The following TFDP1 variants were observed in gnomAD, a reference collection of about 807,000 sequenced individuals.
TFDP1 encodes the protein DRTF1-polypeptide 1.
Under a neutral mutation model 48.0 loss-of-function variants are expected in TFDP1, and 6 were observed. The ratio of observed to expected loss-of-function variants is 0.13; its 90% CI spans 0.07 to 0.25. The LOEUF (loss-of-function observed/expected upper bound fraction) is 0.25. TFDP1 is among the 10% of genes least tolerant of loss of function. TFDP1 has a pLI of 1.00. For synonymous variants in TFDP1, 201 were observed against 211.6 expected, an observed-to-expected ratio of 0.95 and a Z score of 0.44; for missense variants, 335 against 543.0, an observed-to-expected ratio of 0.62 and a Z score of 3.81.
At chr13:113,608,082 G>T (rs1314483763) in intron 2 of TFDP1, among the ~76,000 whole-genome samples, 1 of 152,154 alleles carries the variant, frequency 6.6e-6, no homozygotes, top group Non-Finnish European at 1.5e-5. Context: ...GGGCTCCTCT[G>T]TTGGGGCCTG....
At chr13:113,634,912 CGT>C (rs143479500) in intron 8 of TFDP1, among the ~76,000 whole-genome samples, 239 of 151,166 alleles carry the variant, frequency 1.6e-3, no homozygotes, top group African/African-American at 5.0e-3. Context: ...TGCCTGTGTG[CGT>C]GTGTGTGTGT....
At chr13:113,637,291 C>T (rs2049516674) in intron 10 of TFDP1, 1 of 270,158 alleles carries the variant, frequency 3.7e-6, no homozygotes. Flanking sequence ...TCTTGTTAGC[C>T]TAAACTTGGG....
At chr13:113,615,785 A>G (rs189842289) in intron 3 of TFDP1, among the ~76,000 whole-genome samples, 366 of 152,246 alleles carry the variant, frequency 2.4e-3, no homozygotes, top group Middle Eastern at 6.8e-3. Context: ...GCGCATGTCT[A>G]TAGATAGTCC....
rs1293086317 is a variant in TFDP1 at position 113,633,303 on chromosome 13, G to A, written c.474+18G>A. Reference sequence around the variant, plus strand: ...ACGAGTCAGTAAGTGTGTGCCGGGGGCCGAGAGGCTGGGGTGGCGGAGCCC... The same window carrying A: ...ACGAGTCAGTAAGTGTGTGCCGGGGACCGAGAGGCTGGGGTGGCGGAGCCC... On this transcript the variant is annotated intron_variant, in intron 6 of 11. Coordinates refer to ENST00000375370, the MANE Select transcript of TFDP1 (RefSeq NM_007111.5). This position sits in a 1 kb window ranked among gnomAD's most constrained non-coding sequence, Gnocchi z 4.5. 1.9e-6 allele frequency: 3 copies of A among 1,607,412 alleles called. No individual in the cohort carries two copies. Among genetic ancestry groups the A allele is most frequent in the South Asian group, 2.2e-5 (2 of 90,806 alleles).
chr13:113,628,543 C>T (rs1295072074), intron 4 of TFDP1, among the ~76,000 whole-genome samples: 1 of 152,232 alleles, frequency 6.6e-6, no homozygotes, highest in East Asian at 1.9e-4. Flanking sequence ...CCCCTGCCTG[C>T]CTCCTGCTCC....
Position 113,600,917 on chromosome 13 carries a change from C to T in TFDP1, c.13-10079C>T, listed in dbSNP as rs1275142011. Among the ~76,000 whole-genome samples the T allele has an allele frequency of 2.6e-5, 4 of 151,420 alleles. No homozygotes were observed. The East Asian group carries it at 5.9e-4, about 22-fold the overall frequency. Reference sequence around the variant, plus strand: ...CCAGAACCGTGAGAGAGAATCCTCGCACGTGGGGCTCCAGGACCATGAGAC... The same window carrying T: ...CCAGAACCGTGAGAGAGAATCCTCGTACGTGGGGCTCCAGGACCATGAGAC... On this transcript the variant is annotated intron_variant, in intron 2 of 11. Coordinates refer to ENST00000375370, the MANE Select transcript of TFDP1 (RefSeq NM_007111.5).
chr13:113,610,110 C>T (rs994321769), intron 2 of TFDP1, among the ~76,000 whole-genome samples: 6 of 152,122 alleles, frequency 3.9e-5, no homozygotes, highest in South Asian at 2.1e-4. Flanking sequence ...TACCATTACG[C>T]GTGTGCTCTT....
intron 2 of TFDP1, among the ~76,000 whole-genome samples, chr13:113,589,928 C>G (rs2048099425): frequency 6.6e-6 from 1 of 152,234 alleles, no homozygotes; most frequent in South Asian, 2.1e-4. Context: ...ATCCTGTCGT[C>G]ACACACGATT....
intron 10 of TFDP1, 44 bp from the exon 11 acceptor site, chr13:113,637,774 G>T: frequency 6.2e-7 from 1 of 1,614,208 alleles, no homozygotes; most frequent in Non-Finnish European, 8.5e-7. Context: ...GTCTTGTGTT[G>T]TTTCTGTTTC....
intron 2 of TFDP1, among the ~76,000 whole-genome samples, chr13:113,588,440 A>G (rs1037119986): frequency 6.6e-6 from 1 of 152,246 alleles, no homozygotes; most frequent in African/African-American, 2.4e-5. Flanking sequence ...TCCAACCTCA[A>G]GTAGGGCACA....
Position 113,614,287 on chromosome 13 carries a change from G to A in TFDP1, c.79+3225G>A, listed in dbSNP as rs535922663. Among the ~76,000 whole-genome samples, 4 of 152,124 alleles carry A rather than the reference G, an allele frequency of 2.6e-5. No homozygotes were observed. In the South Asian group the frequency reaches 6.2e-4, roughly 24 times the overall value. On this transcript the variant is annotated intron_variant, in intron 3 of 11. Coordinates refer to ENST00000375370, the MANE Select transcript of TFDP1 (RefSeq NM_007111.5). ...GTGTGTGAGTTGTGTGTGTGTAAGC[G>A]TGCAGTCCTCGCCTCCCCAACAGAC... is the stretch of plus-strand genomic sequence containing the variant.
In TFDP1 at chr13:113,633,725, G is replaced by A. The variant is rs4150786; in HGVS notation, c.475-165G>A. Among the ~76,000 whole-genome samples the A allele has an allele frequency of 7.6e-4, 116 of 152,110 alleles. 2 individuals are homozygous for A. In the South Asian group the frequency reaches 0.023, roughly 31 times the overall value. On this transcript the variant is annotated intron_variant, in intron 6 of 11. Coordinates refer to ENST00000375370, the MANE Select transcript of TFDP1 (RefSeq NM_007111.5). This position sits in a 1 kb window ranked among gnomAD's most constrained non-coding sequence, Gnocchi z 4.5. ...ACACACTCAGGCTTCGCACAGCCCC[G>A]TCTTGCCCTGCGTCATCTGTGGGGT...
Position 113,636,672 on chromosome 13 carries a change from C to T in TFDP1, c.978C>T (p.Val326=). The T allele has an allele frequency of 1.2e-6, 2 of 1,614,130 alleles. No homozygotes were observed. Among genetic ancestry groups the T allele is most frequent in the Non-Finnish European group, 1.7e-6 (2 of 1,179,980 alleles). The change falls in exon 10 of 12, where the codon GTC becomes GTT. Residue 326 remains valine, a synonymous_variant. Transcript: ENST00000375370. ...AEDLKMARSL[V]PKALEPYVTE... ...ACCTTAAAATGGCCAGAAGTCTGGT[C>T]CCCAAGGCTCTGGAGCCATACGTGA... is the stretch of plus-strand genomic sequence containing the variant.
chr13:113,625,986 T>C (rs369113404), intron 4 of TFDP1, among the ~76,000 whole-genome samples: 2,785 of 72,488 alleles, frequency 0.038, 62 homozygotes, highest in African/African-American at 0.15. Context: ...TGTCCTCAGG[T>C]GTCTCTCACG....
intron 2 of TFDP1, among the ~76,000 whole-genome samples, chr13:113,603,423 G>A (rs562881992): frequency 2.8e-4 from 42 of 152,358 alleles, no homozygotes; most frequent in African/African-American, 9.9e-4. Flanking sequence ...TGTGAGAACC[G>A]TGGTCACCTG....
rs576032967 is a variant in TFDP1 at position 113,619,492 on chromosome 13, A to C, written c.80-3688A>C. 2.0e-3 allele frequency among the ~76,000 whole-genome samples: 294 copies of C among 150,716 alleles called. 2 individuals carry two copies. Among genetic ancestry groups the C allele is most frequent in the African/African-American group, 6.1e-3 (248 of 40,628 alleles). ...TCTCAAAAAAAAAACAAAAAAAAAA[A>C]AAAAAAAAGAAGAAGCCCACCCACC... is the stretch of plus-strand genomic sequence containing the variant. On this transcript the variant is annotated intron_variant, in intron 3 of 11. Transcript: ENST00000375370.
intron 2 of TFDP1, among the ~76,000 whole-genome samples, chr13:113,606,079 G>C (rs1039610937): frequency 3.9e-4 from 53 of 136,858 alleles, no homozygotes; most frequent in African/African-American, 1.5e-3. Context: ...GCGGTGATGA[G>C]TGTCCATAGG....
In TFDP1 at chr13:113,640,129, C is replaced by G. The variant is rs201411969; in HGVS notation, c.1095C>G (p.Thr365=). ...GCCTCCTGCCTTGCAGTGACCTGACCAACGGTGCAGATGGGATGCTGGCCA... is the reference window on the plus strand; with the variant it reads ...GCCTCCTGCCTTGCAGTGACCTGACGAACGGTGCAGATGGGATGCTGGCCA... ...NGTRFSASDL[T]NGADGMLATS... is the part of the protein sequence containing the mutation. The change falls in exon 12 of 12, where the codon ACC becomes ACG. Residue 365 remains threonine, a synonymous_variant. Coordinates refer to ENST00000375370, the MANE Select transcript of TFDP1 (RefSeq NM_007111.5). 2.6e-4 allele frequency: 410 copies of G among 1,604,378 alleles called. No homozygotes were observed. Among genetic ancestry groups the G allele is most frequent in the Non-Finnish European group, 3.4e-4 (398 of 1,176,630 alleles).
chr13:113,584,985 A>G (rs1243784513), intron 1 of TFDP1, 97 bp downstream of exon 1: 2 of 145,738 alleles, frequency 1.4e-5, no homozygotes, highest in Non-Finnish European at 3.0e-5. Flanking sequence ...GGCCGCGTGT[A>G]GGCGCCGCGC....
Sources: gnomAD v4.1 joint callset for allele counts (sites outside exome capture counted in the v4.1 genomes callset) on GRCh38, gnomAD v4.1.1 for gene constraint, Gnocchi (gnomAD v3.1) non-coding constraint, MANE v1.5 for transcripts, NCBI Gene and HGNC (gene_info 2026-07-23, HGNC 2026-07-21) for gene names.